SGIP1: variants seen among roughly 807,000 people sequenced by gnomAD.
The protein encoded by SGIP1 is SH3GL interacting endocytic adaptor 1, also known as SH3-containing GRB2-like protein 3-interacting protein 1.
Under a neutral mutation model 107.5 loss-of-function variants are expected in SGIP1, and 38 were observed. The ratio of observed to expected loss-of-function variants is 0.35; its 90% CI spans 0.27 to 0.46. The LOEUF (loss-of-function observed/expected upper bound fraction) is 0.46. Ranked by LOEUF, SGIP1 falls within the 20% of genes least tolerant of loss-of-function variation. SGIP1 has a pLI of 1.00. For synonymous variants in SGIP1, 365 were observed against 366.1 expected, an observed-to-expected ratio of 1.00 and a Z score of 0.03; for missense variants, 929 against 1,019.5, an observed-to-expected ratio of 0.91 and a Z score of 1.21.
intron 1 of SGIP1, among the ~76,000 whole-genome samples, chr1:66,575,281 T>G (rs2060907588): frequency 6.6e-6 from 1 of 152,160 alleles, no homozygotes; most frequent in African/African-American, 2.4e-5. Context: ...AGACTGCCAG[T>G]GATAGAACAA....
chr1:66,589,946 G>T (rs1364119871), intron 1 of SGIP1, among the ~76,000 whole-genome samples: 1 of 149,942 alleles, frequency 6.7e-6, no homozygotes, highest in African/African-American at 2.5e-5. Flanking sequence ...GTCACATGAT[G>T]ATGGAATATT....
intron 1 of SGIP1, among the ~76,000 whole-genome samples, chr1:66,602,794 A>G (rs1357186960): frequency 6.6e-6 from 1 of 152,152 alleles, no homozygotes; most frequent in African/African-American, 2.4e-5. Flanking sequence ...CTAGATGTCT[A>G]AAAAGAGAGA....
chr1:66,651,763 G>A (rs1571261812), intron 7 of SGIP1, among the ~76,000 whole-genome samples: 1 of 152,128 alleles, frequency 6.6e-6, no homozygotes, highest in East Asian at 1.9e-4. Flanking sequence ...AGGCTTAAAT[G>A]CTGTTGTGTG....
chr1:66,689,034 G>C, intron 15 of SGIP1, 114 bp from the exon 16 acceptor site: 1 of 1,274,638 alleles, frequency 7.8e-7, no homozygotes, highest in Non-Finnish European at 1.1e-6. Context: ...GTTTAGTGTA[G>C]TAACTGCCAA....
chr1:66,662,884 C>A (rs2149739708), intron 8 of SGIP1, among the ~76,000 whole-genome samples: 1 of 152,228 alleles, frequency 6.6e-6, no homozygotes, highest in Admixed American at 6.5e-5. Flanking sequence ...AGTAATCAGA[C>A]ATAGAAATAT....
intron 9 of SGIP1, among the ~76,000 whole-genome samples, chr1:66,668,272 C>A (rs915271473): frequency 6.6e-6 from 1 of 152,060 alleles, no homozygotes; most frequent in Non-Finnish European, 1.5e-5. Context: ...CTCACTGCAA[C>A]CTCCGCCTCT....
At chr1:66,739,576 T>C (rs2094381062) in intron 22 of SGIP1, 39 bp downstream of exon 22, 3 of 1,606,882 alleles carry the variant, frequency 1.9e-6, no homozygotes, top group Non-Finnish European at 2.6e-6. Flanking sequence ...AGGGCTCCTC[T>C]GGGTCAAGAG....
intron 7 of SGIP1, among the ~76,000 whole-genome samples, chr1:66,647,101 A>G (rs2077795627): frequency 6.6e-6 from 1 of 152,208 alleles, no homozygotes; most frequent in Admixed American, 6.5e-5. Flanking sequence ...CTTAAACAAT[A>G]TAGGTGGTTT....
At chr1:66,564,435 A>C (rs1451968230) in intron 1 of SGIP1, among the ~76,000 whole-genome samples, 1 of 151,952 alleles carries the variant, frequency 6.6e-6, no homozygotes, top group Non-Finnish European at 1.5e-5. Flanking sequence ...GTAACCAGGG[A>C]AAATTCAGTG....
chr1:66,729,508 G>A (rs2093911709), intron 20 of SGIP1, 89 bp downstream of exon 20: 2 of 1,472,140 alleles, frequency 1.4e-6, no homozygotes, highest in South Asian at 1.3e-5. Flanking sequence ...CAACAGGGTC[G>A]CACTATAGTG....
chr1:66,695,307 T>C (rs1429867754), intron 17 of SGIP1, 127 bp from the exon 18 acceptor site: 5 of 1,526,598 alleles, frequency 3.3e-6, no homozygotes, highest in Non-Finnish European at 4.4e-6. Context: ...TCCTGCACGC[T>C]AATGGCATGT....
chr1:66,660,052 A>AAAAG (rs1553131686), intron 7 of SGIP1: 3,001 of 159,162 alleles, frequency 0.019, 654 homozygotes, highest in African/African-American at 0.098. Context: ...AGAAAGAAAG[A>AAAAG]AAAGAAAGAA....
chr1:66,637,021 G>A (rs560913591), intron 4 of SGIP1, among the ~76,000 whole-genome samples: 186 of 148,330 alleles, frequency 1.3e-3, no homozygotes, highest in Non-Finnish European at 1.6e-3. Flanking sequence ...TTATGTTAAG[G>A]TAGGATTTTT....
Position 66,749,893 on chromosome 1 carries a change from A to C in SGIP1, c.*6798A>C, listed in dbSNP as rs1402546696. Among the ~76,000 whole-genome samples the C allele has an allele frequency of 6.6e-6, 1 of 152,094 alleles. No individual in the cohort carries two copies. Among genetic ancestry groups the C allele is most frequent in the Non-Finnish European group, 1.5e-5 (1 of 67,978 alleles). On this transcript the variant is annotated 3_prime_UTR_variant, in exon 25 of 25. Coordinates refer to ENST00000371037, the MANE Select transcript of SGIP1 (RefSeq NM_032291.4). ...TTTTTTTCCCTTTTCAAGTTGCTAG[A>C]ATGATAATTCATATAGCTGTGTTGA... is the stretch of plus-strand genomic sequence containing the variant.
At chr1:66,691,885 G>T (rs1557647315) in intron 17 of SGIP1, among the ~76,000 whole-genome samples, 1 of 152,214 alleles carries the variant, frequency 6.6e-6, no homozygotes, top group Non-Finnish European at 1.5e-5. Flanking sequence ...AACTGGCCAA[G>T]TGCAGTGGCT....
rs114803921 is a variant in SGIP1, at chr1:66,719,290, G to T, written c.1631-4G>T. 2,260 of 1,598,246 alleles carry T rather than the reference G, an allele frequency of 1.4e-3. 40 individuals carry two copies. In the African/African-American group the frequency reaches 0.027, roughly 19 times the overall value. On this transcript the variant is annotated splice_region_variant and splice_polypyrimidine_tract_variant and intron_variant, in intron 18 of 24. Transcript: ENST00000371037. ...AATAAATGAAAATTTTTCATTTCATGCAGGTTCTTCCAGGGGACCCAGCCC... is the reference window on the plus strand; with the variant it reads ...AATAAATGAAAATTTTTCATTTCATTCAGGTTCTTCCAGGGGACCCAGCCC...
chr1:66,548,691 T>C (rs1260106356), intron 1 of SGIP1, among the ~76,000 whole-genome samples: 1 of 152,154 alleles, frequency 6.6e-6, no homozygotes, highest in East Asian at 1.9e-4. Flanking sequence ...ATAGAAATAC[T>C]TAAGAGATCT....
intron 1 of SGIP1, among the ~76,000 whole-genome samples, chr1:66,548,661 C>T (rs2056870899): frequency 6.6e-6 from 1 of 152,118 alleles, no homozygotes. Context: ...GGCTTTTTCT[C>T]TCTAGGCCAG....
At chr1:66,612,739 G>A (rs973742757) in intron 1 of SGIP1, among the ~76,000 whole-genome samples, 4 of 152,150 alleles carry the variant, frequency 2.6e-5, no homozygotes, top group African/African-American at 7.2e-5. Flanking sequence ...GCTAAAATCT[G>A]ATGTCATGTC....
Sources: allele counts gnomAD v4.1 joint callset (sites outside exome capture counted in the v4.1 genomes callset), GRCh38; gene constraint gnomAD v4.1.1; transcripts MANE v1.5; gene names NCBI Gene and HGNC (gene_info 2026-07-23, HGNC 2026-07-21).